The following TLL2 variants were observed in gnomAD, a reference collection of about 807,000 sequenced individuals.
TLL2 encodes the protein tolloid like 2, also known as tolloid-like protein 2.
A neutral mutation model predicts 123.0 loss-of-function variants in TLL2; 106 were observed. That is an observed-to-expected ratio of 0.86 (90% CI 0.74 to 1.01). The LOEUF (loss-of-function observed/expected upper bound fraction) is 1.01, where lower values mean the gene tolerates loss of function less well. TLL2 is among the 50% of genes least tolerant of loss of function. TLL2 has a pLI of 0.00. For missense variants in TLL2, 1,332 were observed against 1,336.7 expected, an observed-to-expected ratio of 1.00 and a Z score of 0.06; for synonymous variants, 494 against 516.8, an observed-to-expected ratio of 0.96 and a Z score of 0.60.
chr10:96,477,257 G>A (rs1438454502), intron 2 of TLL2, among the ~76,000 whole-genome samples: 1 of 151,682 alleles, frequency 6.6e-6, no homozygotes, highest in African/African-American at 2.4e-5. Context: ...CACCAAGTAT[G>A]ATATATATTT....
intron 1 of TLL2, among the ~76,000 whole-genome samples, chr10:96,489,346 G>A (rs1414724960): frequency 1.3e-5 from 2 of 152,198 alleles, no homozygotes; most frequent in South Asian, 2.1e-4. Context: ...GGGCAACAAC[G>A]TGAGACCCCT....
chr10:96,496,476 C>T (rs1847476531), intron 1 of TLL2, among the ~76,000 whole-genome samples: 3 of 152,228 alleles, frequency 2.0e-5, no homozygotes, highest in African/African-American at 7.2e-5. Context: ...CTGACTGCTT[C>T]TCAAGAGAAC....
chr10:96,403,596 C>G (rs1296385487), intron 10 of TLL2, among the ~76,000 whole-genome samples: 2 of 152,134 alleles, frequency 1.3e-5, no homozygotes, highest in Admixed American at 6.5e-5. Flanking sequence ...CACCTCTGCC[C>G]TTGAAAGCGG....
chr10:96,457,206 T>G (rs1847025452), intron 2 of TLL2, among the ~76,000 whole-genome samples: 2 of 152,200 alleles, frequency 1.3e-5, no homozygotes, highest in African/African-American at 4.8e-5. Flanking sequence ...TGTATCTTGG[T>G]GACCACACTG....
chr10:96,416,724 G>A (rs939472668), intron 7 of TLL2, among the ~76,000 whole-genome samples: 2 of 152,202 alleles, frequency 1.3e-5, no homozygotes, highest in South Asian at 2.1e-4. Flanking sequence ...CCTCCCTTGC[G>A]TATCCTAAGC....
At chr10:96,401,995 G>T (rs1048231477) in intron 10 of TLL2, among the ~76,000 whole-genome samples, 2 of 152,236 alleles carry the variant, frequency 1.3e-5, no homozygotes, top group Non-Finnish European at 2.9e-5. Flanking sequence ...TCTGATCTCA[G>T]CCACTAACTG....
chr10:96,459,707 T>A (rs11188770), intron 2 of TLL2, among the ~76,000 whole-genome samples: 294 of 22,044 alleles, frequency 0.013, 5 homozygotes, highest in Non-Finnish European at 0.019. Context: ...AAAAAAAAAA[T>A]ATATATATAT....
intron 18 of TLL2, among the ~76,000 whole-genome samples, chr10:96,376,346 C>T (rs1846137919): frequency 2.0e-5 from 3 of 152,206 alleles, no homozygotes; most frequent in Admixed American, 2.0e-4. Context: ...ACTGATTCAT[C>T]TCATTTTTAA....
chr10:96,460,208 T>C (rs1847067035), intron 2 of TLL2, among the ~76,000 whole-genome samples: 1 of 152,210 alleles, frequency 6.6e-6, no homozygotes, highest in Non-Finnish European at 1.5e-5. Flanking sequence ...AATTTGCCCA[T>C]GCAAATCAAT....
At chr10:96,485,811 G>A (rs188166966) in intron 1 of TLL2, among the ~76,000 whole-genome samples, 3 of 152,282 alleles carry the variant, frequency 2.0e-5, no homozygotes, top group Admixed American at 1.3e-4. Flanking sequence ...GGCTGCCTGC[G>A]CTGAGCCCTT....
chr10:96,403,479 G>A (rs1266889048), intron 10 of TLL2, among the ~76,000 whole-genome samples: 1 of 152,196 alleles, frequency 6.6e-6, no homozygotes, highest in Non-Finnish European at 1.5e-5. Context: ...GAGGTTTAAG[G>A]GATCTAGGGC....
intron 12 of TLL2, 118 bp downstream of exon 12, chr10:96,395,757 T>G: frequency 1.1e-3 from 1,465 of 1,305,702 alleles, no homozygotes; most frequent in Non-Finnish European, 1.4e-3. Flanking sequence ...ACTATGGGCT[T>G]GAGAATAGCC....
At chr10:96,454,604 G>A in intron 2 of TLL2, among the ~76,000 whole-genome samples, 1 of 152,090 alleles carries the variant, frequency 6.6e-6, no homozygotes, top group Non-Finnish European at 1.5e-5. Flanking sequence ...AGGTATCCTT[G>A]TCTACCTGGT....
rs527635702 is a variant in TLL2, at chr10:96,393,476, G to C, written c.1726+1711C>G. 3.1e-3 allele frequency among the ~76,000 whole-genome samples: 469 copies of C among 152,352 alleles called. 1 individual carries two copies. Among genetic ancestry groups the C allele is most frequent in the Non-Finnish European group, 5.1e-3 (347 of 68,044 alleles). The stretch of plus-strand genomic sequence containing the variant: ...ATTGTCTCTCCAGGTAGAGAGACTG[G>C]AGCTTGTGCAACAGAAGCTGTGCAA... On this transcript the variant is annotated intron_variant, in intron 13 of 20. Coordinates refer to ENST00000357947, the MANE Select transcript of TLL2 (RefSeq NM_012465.4).
intron 16 of TLL2, 83 bp downstream of exon 16, chr10:96,384,504 G>A: frequency 7.4e-7 from 1 of 1,348,152 alleles, no homozygotes; most frequent in South Asian, 1.7e-5. Flanking sequence ...AGAGAGAGAG[G>A]AGGGGGCCAG....
At chr10:96,438,079 A>T (rs1846814426) in intron 3 of TLL2, among the ~76,000 whole-genome samples, 2 of 152,134 alleles carry the variant, frequency 1.3e-5, no homozygotes, top group African/African-American at 4.8e-5. Flanking sequence ...CTTCTTTTTC[A>T]TAATTGTTTT....
At chr10:96,471,903 T>C (rs1459239010) in intron 2 of TLL2, among the ~76,000 whole-genome samples, 1 of 152,070 alleles carries the variant, frequency 6.6e-6, no homozygotes, top group African/African-American at 2.4e-5. Flanking sequence ...TGTGTGTGTC[T>C]GTGTGCGTGC....
chr10:96,430,234 G>A (rs888997770), intron 4 of TLL2, among the ~76,000 whole-genome samples: 2 of 152,132 alleles, frequency 1.3e-5, no homozygotes, highest in African/African-American at 2.4e-5. Context: ...ATGAGCTCTC[G>A]CTCTGAGTTC....
intron 2 of TLL2, among the ~76,000 whole-genome samples, chr10:96,472,607 C>T (rs193237934): frequency 1.3e-5 from 2 of 152,024 alleles, no homozygotes; most frequent in Admixed American, 1.3e-4. Flanking sequence ...ACAAAAAATA[C>T]AAAAATTAGC....
Sources: gnomAD v4.1 joint callset for allele counts (sites outside exome capture counted in the v4.1 genomes callset) on GRCh38, gnomAD v4.1.1 for gene constraint, MANE v1.5 for transcripts, NCBI Gene and HGNC (gene_info 2026-07-23, HGNC 2026-07-21) for gene names.